The following SNX29 variants were observed in gnomAD, a reference collection of about 807,000 sequenced individuals.
The protein encoded by SNX29 is sorting nexin 29.
A neutral mutation model predicts 102.1 loss-of-function variants in SNX29; 78 were observed. That is an observed-to-expected ratio of 0.76 (90% confidence interval 0.64 to 0.92). The LOEUF (loss-of-function observed/expected upper bound fraction) is 0.92, where lower values mean the gene tolerates loss of function less well. Ranked by LOEUF, SNX29 falls within the 40% of genes least tolerant of loss-of-function variation. SNX29 has a pLI of 0.00. For synonymous variants in SNX29, 580 were observed against 414.5 expected (o/e 1.40, Z -4.85); for missense variants, 1,280 against 1,061.7 (o/e 1.21, Z -2.86).
chr16:12,003,557 TG>T (rs1289274519), intron 3 of SNX29, among the ~76,000 whole-genome samples: 30 of 152,324 alleles, frequency 2.0e-4, no homozygotes, highest in Admixed American at 7.2e-4. Context: ...TCTATGCGTA[TG>T]GAGTGGTCCT....
At chr16:12,002,624 T>G (rs992201827) in intron 2 of SNX29, among the ~76,000 whole-genome samples, 2 of 152,104 alleles carry the variant, frequency 1.3e-5, no homozygotes, top group African/African-American at 4.8e-5. Context: ...CTTATAGAAG[T>G]TGTAATTATC....
At chr16:12,314,782 T>C (rs1048717009) in intron 15 of SNX29, among the ~76,000 whole-genome samples, 2 of 152,196 alleles carry the variant, frequency 1.3e-5, no homozygotes, top group Non-Finnish European at 2.9e-5. Context: ...TGATTGAAAC[T>C]GTGGTTGAGC....
intron 14 of SNX29, among the ~76,000 whole-genome samples, chr16:12,267,685 G>A (rs781501363): frequency 6.6e-6 from 1 of 152,184 alleles, no homozygotes; most frequent in East Asian, 1.9e-4. Context: ...GTAGCTGGAG[G>A]CTGTTGGGTA....
chr16:12,146,192 G>T (rs1445413603), intron 13 of SNX29, among the ~76,000 whole-genome samples: 2 of 152,148 alleles, frequency 1.3e-5, no homozygotes, highest in Non-Finnish European at 2.9e-5. Context: ...CAGTATCTGT[G>T]TGTATTTCTC....
intron 14 of SNX29, among the ~76,000 whole-genome samples, chr16:12,254,643 T>C (rs1279795420): frequency 2.1e-5 from 3 of 145,724 alleles, no homozygotes; most frequent in African/African-American, 7.7e-5. Context: ...AGACTCCATC[T>C]CCAAAAAAAA....
intron 18 of SNX29, among the ~76,000 whole-genome samples, chr16:12,437,558 G>A (rs1045268829): frequency 8.5e-5 from 13 of 152,316 alleles, no homozygotes; most frequent in African/African-American, 2.9e-4. Context: ...GGGGCTGGCA[G>A]GTAGACAACA....
chr16:12,130,114 A>T (rs1041323165), intron 13 of SNX29, among the ~76,000 whole-genome samples: 1 of 150,136 alleles, frequency 6.7e-6, no homozygotes, highest in African/African-American at 2.5e-5. Context: ...AAAAACAAAA[A>T]CAAACAACAA....
In SNX29 at chr16:12,526,523, C is replaced by G. The variant is rs370400748; in HGVS notation, c.2318+1682C>G. ...ACAGTTTCTAGAACGCTTTATTTTT[C>G]TTTTCTTCTTTTATTTGTAATGCCA... On this transcript the variant is annotated intron_variant, in intron 20 of 20. Transcript: ENST00000566228. 1.5e-4 allele frequency: 79 copies of G among 512,094 alleles called. No individual in the cohort carries two copies. The East Asian group carries it at 2.5e-3, about 16-fold the overall frequency. 31.7% of individuals were successfully genotyped at this position (512,094 alleles called of 1,614,324 possible).
chr16:12,118,475 ATG>A, intron 11 of SNX29, among the ~76,000 whole-genome samples: 1 of 151,720 alleles, frequency 6.6e-6, no homozygotes, highest in Non-Finnish European at 1.5e-5. Flanking sequence ...GCCTGCCACC[ATG>A]CCCGGCTGAT....
At chr16:12,007,753 C>G (rs1216434985) in intron 3 of SNX29, among the ~76,000 whole-genome samples, 1 of 152,142 alleles carries the variant, frequency 6.6e-6, no homozygotes, top group East Asian at 1.9e-4. Flanking sequence ...CGTTCTTGTC[C>G]TGCTTCCACC....
At chr16:12,268,772 G>A (rs943398565) in intron 14 of SNX29, among the ~76,000 whole-genome samples, 3 of 152,132 alleles carry the variant, frequency 2.0e-5, no homozygotes, top group Admixed American at 6.5e-5. Context: ...TGCTCAGCTT[G>A]TTCACATTGA....
intron 3 of SNX29, among the ~76,000 whole-genome samples, chr16:12,006,202 T>G (rs959948594): frequency 9.7e-6 from 1 of 102,936 alleles, no homozygotes. Flanking sequence ...AGACCCTGTC[T>G]CTAAAATAAT....
chr16:12,354,316 C>T (rs1382710628), intron 15 of SNX29, among the ~76,000 whole-genome samples: 1 of 152,116 alleles, frequency 6.6e-6, no homozygotes, highest in African/African-American at 2.4e-5. Context: ...CAAATTTTGT[C>T]TCTTAAGTTG....
chr16:12,135,684 G>A, intron 13 of SNX29: 1 of 1,176,072 alleles, frequency 8.5e-7, no homozygotes, highest in South Asian at 1.3e-5. Context: ...CTGAAGCTGT[G>A]TTTCCTCTGG....
At chr16:12,425,252 GA>G (rs1252885991) in intron 18 of SNX29, among the ~76,000 whole-genome samples, 1 of 152,224 alleles carries the variant, frequency 6.6e-6, no homozygotes, top group Non-Finnish European at 1.5e-5. Context: ...GGAGAGAGCA[GA>G]AAGCTGGATC....
intron 19 of SNX29, among the ~76,000 whole-genome samples, chr16:12,478,483 G>T (rs941121526): frequency 6.6e-6 from 1 of 152,152 alleles, no homozygotes; most frequent in Non-Finnish European, 1.5e-5. Flanking sequence ...TATTCATCCC[G>T]GTTCCCTTGA....
At chr16:12,284,664 A>G (rs369099828) in intron 15 of SNX29, among the ~76,000 whole-genome samples, 1 of 152,156 alleles carries the variant, frequency 6.6e-6, no homozygotes, top group East Asian at 1.9e-4. Flanking sequence ...AATGAGTCTG[A>G]TAAGACTCTA....
intron 1 of SNX29, among the ~76,000 whole-genome samples, chr16:11,989,710 C>G (rs2055771636): frequency 6.6e-6 from 1 of 152,184 alleles, no homozygotes; most frequent in Non-Finnish European, 1.5e-5. Flanking sequence ...GTTCGTGAGG[C>G]TTCTGTCTAT....
At chr16:12,550,390 C>T (rs1462404471) in intron 20 of SNX29, among the ~76,000 whole-genome samples, 1 of 152,102 alleles carries the variant, frequency 6.6e-6, no homozygotes, top group Non-Finnish European at 1.5e-5. Flanking sequence ...CAAAAATTAG[C>T]CAGGCATGGT....
Sources: allele counts gnomAD v4.1 joint callset (sites outside exome capture counted in the v4.1 genomes callset), GRCh38; gene constraint gnomAD v4.1.1; transcripts MANE v1.5; gene names NCBI Gene and HGNC (gene_info 2026-07-23, HGNC 2026-07-21).